ADGRL3: variants seen among roughly 807,000 people sequenced by gnomAD.
ADGRL3 encodes the protein adhesion G protein-coupled receptor L3, also known as calcium-independent alpha-latrotoxin receptor 3.
Under a neutral mutation model 153.5 loss-of-function variants are expected in ADGRL3, and 62 were observed. That is an observed-to-expected ratio of 0.40 (90% CI 0.33 to 0.50). ADGRL3 has a LOEUF of 0.50. Ranked by LOEUF, ADGRL3 falls within the 20% of genes least tolerant of loss-of-function variation. The pLI, the probability that ADGRL3 is intolerant of heterozygous loss-of-function variation, is 0.47. For synonymous variants in ADGRL3, 710 were observed against 672.5 expected, an observed-to-expected ratio of 1.06 and a Z score of -0.86; for missense variants, 1,641 against 1,859.4, an observed-to-expected ratio of 0.88 and a Z score of 2.16.
rs2098806453 is a variant in ADGRL3 at position 61,564,032 on chromosome 4, A to G, written c.260-23195A>G. ...AATAAATAAATAAATAAATAAAAAT[A>G]CAACCTCATGAACCAACTTCTGCTA... On this transcript the variant is annotated intron_variant, in intron 4 of 26. Transcript: ENST00000683033. Among the ~76,000 whole-genome samples the G allele has an allele frequency of 5.3e-5, 8 of 152,080 alleles. 1 individual carries two copies. Among genetic ancestry groups the G allele is most frequent in the Admixed American group, 5.2e-4 (8 of 15,270 alleles).
At chr4:61,649,338 C>G (rs1372629913) in intron 5 of ADGRL3, among the ~76,000 whole-genome samples, 1 of 152,088 alleles carries the variant, frequency 6.6e-6, no homozygotes, top group East Asian at 1.9e-4. Context: ...TTAATTCATT[C>G]TTAATAGCAG....
intron 1 of ADGRL3, among the ~76,000 whole-genome samples, chr4:61,272,180 G>A (rs2093221945): frequency 6.6e-6 from 1 of 151,846 alleles, no homozygotes; most frequent in African/African-American, 2.4e-5. Context: ...GATTTCTTAT[G>A]CAAAAGCAGT....
intron 1 of ADGRL3, among the ~76,000 whole-genome samples, chr4:61,260,872 T>C (rs917216819): frequency 3.3e-5 from 5 of 152,080 alleles, no homozygotes; most frequent in African/African-American, 7.2e-5. Context: ...ACTATGGGCG[T>C]GTACCACCAT....
intron 25 of ADGRL3, among the ~76,000 whole-genome samples, chr4:62,045,955 G>A (rs1163198021): frequency 6.6e-6 from 1 of 151,762 alleles, no homozygotes; most frequent in African/African-American, 2.4e-5. Flanking sequence ...TGTTTAGTTT[G>A]TGAAAATTTC....
rs558242800 is a variant in ADGRL3 at position 61,986,305 on chromosome 4, T to A, written c.3236+2702T>A. ...TCTCTTGAAGTTCCAAATTACATTT[T>A]TCTTTTACATCAATTTTTTTCTCCT... On this transcript the variant is annotated intron_variant, in intron 19 of 26. Transcript: ENST00000683033. Among the ~76,000 whole-genome samples, 17 of 152,354 alleles carry A rather than the reference T, an allele frequency of 1.1e-4. No homozygotes were observed. In the South Asian group the frequency reaches 3.5e-3, roughly 32 times the overall value.
chr4:62,044,079 C>T (rs1284960167), intron 24 of ADGRL3, among the ~76,000 whole-genome samples: 16 of 151,846 alleles, frequency 1.1e-4, no homozygotes, highest in Admixed American at 1.1e-3. Context: ...ATTCCCATTC[C>T]AATAAAAGTT....
chr4:61,965,768 A>C (rs1164991808), intron 17 of ADGRL3, among the ~76,000 whole-genome samples: 1 of 152,066 alleles, frequency 6.6e-6, no homozygotes, highest in Non-Finnish European at 1.5e-5. Context: ...GAAAAAAAAA[A>C]GCATTTGAAC....
rs1416108362 is a variant in ADGRL3 at position 61,291,216 on chromosome 4, ACG to A, written c.-240+89453_-240+89454del. Among the ~76,000 whole-genome samples the A allele has an allele frequency of 9.8e-3, 1,433 of 146,654 alleles. 20 individuals carry two copies. The highest frequency in any genetic ancestry group is 0.033 in the East Asian group (164 of 4,932). On this transcript the variant is annotated intron_variant, in intron 1 of 26. Coordinates refer to ENST00000683033, the MANE Select transcript of ADGRL3 (RefSeq NM_001387552.1). ...CACACACACACACACACACACACAC[ACG>A]CACACACACACACCCCTCTGTGTCC...
rs115129285 is a variant in ADGRL3 at position 61,882,339 on chromosome 4, G to A, written c.1481-10317G>A. On this transcript the variant is annotated intron_variant, in intron 9 of 26. Coordinates refer to ENST00000683033, the MANE Select transcript of ADGRL3 (RefSeq NM_001387552.1). The stretch of plus-strand genomic sequence containing the variant: ...ATCCATACTCAAAAGCCACCGCCAC[G>A]TGTCTTACACCCCCATGCTGTATTA... Among the ~76,000 whole-genome samples the A allele has an allele frequency of 5.1e-3, 777 of 152,168 alleles. 6 individuals are homozygous for A. Among genetic ancestry groups the A allele is most frequent in the African/African-American group, 0.018 (735 of 41,518 alleles).
intron 2 of ADGRL3, among the ~76,000 whole-genome samples, chr4:61,430,885 A>G (rs1405778973): frequency 1.3e-5 from 2 of 152,190 alleles, no homozygotes; most frequent in African/African-American, 2.4e-5. Flanking sequence ...AGGTTTAGTG[A>G]TAACATTATA....
chr4:61,980,335 T>A (rs546590174), intron 18 of ADGRL3, among the ~76,000 whole-genome samples: 1 of 142,426 alleles, frequency 7.0e-6, no homozygotes, highest in Admixed American at 7.0e-5. Context: ...TTTTTTTTAC[T>A]ATCTCCATGG....
Position 61,639,249 on chromosome 4 carries a change from T to C in ADGRL3, c.474-37577T>C, listed in dbSNP as rs189934879. On this transcript the variant is annotated intron_variant, in intron 5 of 26. Transcript: ENST00000683033. Reference sequence around the variant, plus strand: ...TGCCTCATGAATGTTAGGTGTATTGTGATGATTATTAAAAGATCTAAAGTT... The same window carrying C: ...TGCCTCATGAATGTTAGGTGTATTGCGATGATTATTAAAAGATCTAAAGTT... Among the ~76,000 whole-genome samples the C allele has an allele frequency of 9.2e-5, 14 of 152,292 alleles. No individual in the cohort carries two copies. In the East Asian group the frequency reaches 2.1e-3, roughly 23 times the overall value.
chr4:61,414,286 T>G (rs1423900470), intron 2 of ADGRL3, among the ~76,000 whole-genome samples: 3 of 152,208 alleles, frequency 2.0e-5, no homozygotes, highest in Non-Finnish European at 1.5e-5. Flanking sequence ...ATGTAAAGTT[T>G]CATAAACTTT....
At chr4:61,889,925 C>G (rs1480093675) in intron 9 of ADGRL3, among the ~76,000 whole-genome samples, 1 of 152,084 alleles carries the variant, frequency 6.6e-6, no homozygotes, top group African/African-American at 2.4e-5. Context: ...AATATCTAAT[C>G]GAAGAAAGGT....
chr4:61,847,060 G>A (rs937954827), intron 9 of ADGRL3, among the ~76,000 whole-genome samples: 1 of 151,230 alleles, frequency 6.6e-6, no homozygotes, highest in African/African-American at 2.4e-5. Context: ...CCAGCATTGG[G>A]GATTACAATT....
At chr4:61,624,599 A>G (rs987053241) in intron 5 of ADGRL3, among the ~76,000 whole-genome samples, 5 of 152,060 alleles carry the variant, frequency 3.3e-5, no homozygotes, top group African/African-American at 9.7e-5. Flanking sequence ...CTGCTTTCCT[A>G]TGCATCTAGA....
At chr4:61,388,024 G>A (rs1196333586) in intron 2 of ADGRL3, among the ~76,000 whole-genome samples, 1 of 151,976 alleles carries the variant, frequency 6.6e-6, no homozygotes, top group Non-Finnish European at 1.5e-5. Context: ...GGTTTCAGCG[G>A]GTCCCTCCAT....
At chr4:61,528,068 A>T (rs1348094390) in intron 4 of ADGRL3, among the ~76,000 whole-genome samples, 1 of 152,138 alleles carries the variant, frequency 6.6e-6, no homozygotes, top group Non-Finnish European at 1.5e-5. Flanking sequence ...TGCTTGGTCC[A>T]CAATGCCGGC....
Position 61,215,534 on chromosome 4 carries a change from T to C in ADGRL3, c.-240+13769T>C, listed in dbSNP as rs909693658. Among the ~76,000 whole-genome samples, 58 of 148,456 alleles carry C rather than the reference T, an allele frequency of 3.9e-4. No individual in the cohort carries two copies. In the East Asian group the frequency reaches 4.0e-3, roughly 10 times the overall value. ...GTTTTGTAGCACATGCTGCCTTCTA[T>C]TATGGAATTTTTTTTTTTTTTTTTT... On this transcript the variant is annotated intron_variant, in intron 1 of 26. Transcript: ENST00000683033.
Sources: allele counts gnomAD v4.1 joint callset (sites outside exome capture counted in the v4.1 genomes callset), GRCh38; gene constraint gnomAD v4.1.1; transcripts MANE v1.5; gene names NCBI Gene and HGNC (gene_info 2026-07-23, HGNC 2026-07-21).